Variants in NPAS3 observed in about 807,000 individuals in gnomAD.
NPAS3 encodes neuronal PAS domain-containing protein 3.
In NPAS3, 14 loss-of-function variants were observed where a neutral mutation model predicts 73.1. The ratio of observed to expected loss-of-function variants is 0.19; its 90% CI spans 0.13 to 0.30. The LOEUF (loss-of-function observed/expected upper bound fraction) is 0.30, where lower values mean the gene tolerates loss of function less well. Among genes scored for constraint, NPAS3 ranks in the 10% least tolerant of loss-of-function variants. The probability of loss-of-function intolerance (pLI) is 1.00; values close to 1 mark genes in which losing one functional copy is unlikely to be tolerated. For missense variants in NPAS3, 1,096 were observed against 1,250.0 expected, an observed-to-expected ratio of 0.88 and a Z score of 1.86; for synonymous variants, 620 against 541.5, an observed-to-expected ratio of 1.14 and a Z score of -2.01.
At chr14:33,406,907 C>T (rs1299679248) in intron 4 of NPAS3, among the ~76,000 whole-genome samples, 3 of 152,090 alleles carry the variant, frequency 2.0e-5, no homozygotes, top group Non-Finnish European at 4.4e-5. Context: ...TACTAATTTG[C>T]CTGTAAACAC....
chr14:33,330,642 C>A (rs74042042), intron 3 of NPAS3, among the ~76,000 whole-genome samples: 3,571 of 152,286 alleles, frequency 0.023, 132 homozygotes, highest in African/African-American at 0.081. Context: ...AATTACTTTT[C>A]TGTCTCCATA....
At chr14:33,689,157 T>C (rs1023065839) in intron 6 of NPAS3, among the ~76,000 whole-genome samples, 1 of 152,222 alleles carries the variant, frequency 6.6e-6, no homozygotes, top group Non-Finnish European at 1.5e-5. Flanking sequence ...ACTCTGTCAC[T>C]TACTATATAT....
At chr14:33,692,672 G>T (rs573479539) in intron 6 of NPAS3, among the ~76,000 whole-genome samples, 1 of 152,076 alleles carries the variant, frequency 6.6e-6, no homozygotes, top group South Asian at 2.1e-4. Context: ...TATGAAATCA[G>T]GAAAGTTGCA....
chr14:33,783,005 G>A (rs1043637242), intron 9 of NPAS3, among the ~76,000 whole-genome samples: 2 of 152,104 alleles, frequency 1.3e-5, no homozygotes, highest in South Asian at 2.1e-4. Context: ...TGCTTAATGC[G>A]GGACTAATTA....
chr14:33,761,693 C>G (rs2062296344), intron 7 of NPAS3, among the ~76,000 whole-genome samples: 1 of 152,084 alleles, frequency 6.6e-6, no homozygotes, highest in Non-Finnish European at 1.5e-5. Context: ...ATCCTTGAAT[C>G]CTTACCATAA....
At chr14:32,974,383 T>C (rs1030660225) in intron 1 of NPAS3, among the ~76,000 whole-genome samples, 1 of 152,156 alleles carries the variant, frequency 6.6e-6, no homozygotes, top group African/African-American at 2.4e-5. Context: ...TTACAGATAA[T>C]GCTTTTGTAG....
In NPAS3 at chr14:33,190,721, A is replaced by G. The variant is rs146089843; in HGVS notation, c.141-24461A>G. On this transcript the variant is annotated intron_variant, in intron 2 of 11. Coordinates refer to ENST00000356141, the Ensembl canonical transcript of NPAS3. ...GACTGTATGTCTCTGCTGCATGTGGAGTGCTGCAGCTTCTGCAGTTAGGAT... is the reference window on the plus strand; with the variant it reads ...GACTGTATGTCTCTGCTGCATGTGGGGTGCTGCAGCTTCTGCAGTTAGGAT... Among the ~76,000 whole-genome samples the G allele has an allele frequency of 3.5e-3, 539 of 152,236 alleles. 6 individuals are homozygous for G. Among genetic ancestry groups the G allele is most frequent in the African/African-American group, 0.013 (520 of 41,538 alleles).
chr14:33,167,237 C>G (rs140421436), intron 2 of NPAS3, among the ~76,000 whole-genome samples: 2 of 152,056 alleles, frequency 1.3e-5, no homozygotes, highest in Middle Eastern at 3.2e-3. Context: ...GCAGAGGGGC[C>G]GTGATCAGCT....
chr14:33,677,294 T>G (rs1376532616), intron 6 of NPAS3, among the ~76,000 whole-genome samples: 1 of 152,224 alleles, frequency 6.6e-6, no homozygotes, highest in Non-Finnish European at 1.5e-5. Context: ...CATATTCTTG[T>G]GTGGTGGAGT....
intron 5 of NPAS3, among the ~76,000 whole-genome samples, chr14:33,604,070 T>C (rs2057481350): frequency 6.6e-6 from 1 of 151,268 alleles, no homozygotes; most frequent in African/African-American, 2.4e-5. Context: ...AATAGTGACA[T>C]TGAGGAATGC....
At chr14:32,941,237 TCC>T in intron 1 of NPAS3, among the ~76,000 whole-genome samples, 1 of 15,180 alleles carries the variant, frequency 6.6e-5, no homozygotes, top group African/African-American at 3.3e-4. Flanking sequence ...TCCCTTCCCC[TCC>T]TCCCTCCTTT....
intron 3 of NPAS3, among the ~76,000 whole-genome samples, chr14:33,310,790 T>TACACACACAC (rs57506320): frequency 6.3e-4 from 89 of 142,256 alleles, no homozygotes; most frequent in Middle Eastern, 3.6e-3. Flanking sequence ...AAATGTATGG[T>TACACACACAC]ACACACACAC....
At chr14:33,095,448 C>G (rs2042373898) in intron 2 of NPAS3, among the ~76,000 whole-genome samples, 1 of 152,086 alleles carries the variant, frequency 6.6e-6, no homozygotes. Context: ...TAATAAGCTG[C>G]CTGGTGCGAT....
chr14:33,628,444 T>C (rs1377846126), intron 5 of NPAS3, among the ~76,000 whole-genome samples: 7 of 152,208 alleles, frequency 4.6e-5, no homozygotes, highest in Non-Finnish European at 1.0e-4. Flanking sequence ...GTGGATCAAT[T>C]GTGCCAGACA....
At chr14:32,943,876 AT>A (rs2036140881) in intron 1 of NPAS3, among the ~76,000 whole-genome samples, 1 of 151,912 alleles carries the variant, frequency 6.6e-6, no homozygotes, top group South Asian at 2.1e-4. Context: ...TTTAGTAGAG[AT>A]AGGGGTTTCA....
intron 1 of NPAS3, among the ~76,000 whole-genome samples, chr14:32,954,799 C>T (rs1459604164): frequency 1.3e-5 from 2 of 152,112 alleles, no homozygotes; most frequent in Non-Finnish European, 2.9e-5. Flanking sequence ...TAGTAACTGT[C>T]CTGTAAAGCT....
At chr14:33,300,533 G>C (rs2042487023) in intron 3 of NPAS3, among the ~76,000 whole-genome samples, 1 of 152,226 alleles carries the variant, frequency 6.6e-6, no homozygotes, top group Admixed American at 6.5e-5. Flanking sequence ...ACACTGCAAA[G>C]CAAGTGTGGG....
In NPAS3 at chr14:33,073,699, C is replaced by A. The variant is rs547495657; in HGVS notation, c.140+17705C>A. On this transcript the variant is annotated intron_variant, in intron 2 of 11. Coordinates refer to ENST00000356141, the Ensembl canonical transcript of NPAS3. ...ATTGACTAGAAAGGGTTTAGGCATACGGAGTCTTGAAGAAGAAAAGAGGAA... is the reference window on the plus strand; with the variant it reads ...ATTGACTAGAAAGGGTTTAGGCATAAGGAGTCTTGAAGAAGAAAAGAGGAA... Among the ~76,000 whole-genome samples, 4 of 152,240 alleles carry A rather than the reference C, an allele frequency of 2.6e-5. No individual in the cohort carries two copies. In the East Asian group the frequency reaches 5.8e-4, roughly 22 times the overall value.
chr14:33,570,978 C>T (rs2139818400), intron 5 of NPAS3, among the ~76,000 whole-genome samples: 1 of 152,324 alleles, frequency 6.6e-6, no homozygotes, highest in Non-Finnish European at 1.5e-5. Context: ...CTGCAACTGT[C>T]AGCAGTACTG....
Sources: gnomAD v4.1 joint callset for allele counts (sites outside exome capture counted in the v4.1 genomes callset) on GRCh38, gnomAD v4.1.1 for gene constraint, MANE v1.5 for transcripts, NCBI Gene and HGNC (gene_info 2026-07-23, HGNC 2026-07-21) for gene names.